SGK3: variants seen among roughly 807,000 people sequenced by gnomAD.
SGK3 encodes serum/glucocorticoid regulated kinase family member 3.
Under a neutral mutation model 68.5 loss-of-function variants are expected in SGK3, and 47 were observed. That is an observed-to-expected ratio of 0.69 (90% confidence interval 0.54 to 0.87). The LOEUF is 0.87. Ranked by LOEUF, SGK3 falls within the 40% of genes least tolerant of loss-of-function variation. SGK3 has a pLI of 0.00. For synonymous variants in SGK3, 181 were observed against 189.1 expected (o/e 0.96, Z 0.35); for missense variants, 479 against 575.5 (o/e 0.83, Z 1.72).
intron 6 of SGK3, among the ~76,000 whole-genome samples, chr8:66,826,100 G>A (rs1809043213): frequency 6.6e-6 from 1 of 152,004 alleles, no homozygotes; most frequent in Non-Finnish European, 1.5e-5. Flanking sequence ...AGCCTCCCAA[G>A]TAGCTGGGAC....
intron 1 of SGK3, among the ~76,000 whole-genome samples, chr8:66,757,219 C>T (rs1372496771): frequency 6.6e-6 from 1 of 150,420 alleles, no homozygotes; most frequent in African/African-American, 2.5e-5. Context: ...GCAGCTTCAA[C>T]CTCCTTGGCT....
chr8:66,808,906 G>T (rs1288431286), intron 4 of SGK3, among the ~76,000 whole-genome samples: 1 of 147,226 alleles, frequency 6.8e-6, no homozygotes, highest in Non-Finnish European at 1.5e-5. Flanking sequence ...GCTCTCCCTT[G>T]TTGCTCAGGC....
chr8:66,826,740 G>C (rs1585775794), intron 6 of SGK3, among the ~76,000 whole-genome samples: 1 of 152,180 alleles, frequency 6.6e-6, no homozygotes, highest in East Asian at 1.9e-4. Context: ...TGCCTCATGA[G>C]TTCAAGGGAT....
rs1438707166 is a variant in SGK3, at chr8:66,813,900, C to G, written c.301C>G (p.Leu101Val). The G allele has an allele frequency of 6.3e-7, 1 of 1,594,988 alleles. No individual in the cohort carries two copies. Among genetic ancestry groups the G allele is most frequent in the East Asian group, 2.3e-5 (1 of 43,664 alleles). Reference sequence around the variant, plus strand: ...AGGACTAAACGAATTCATTCAGAACCTAGTTAGGTATCCAGAACTTTATAA... The same window carrying G: ...AGGACTAAACGAATTCATTCAGAACGTAGTTAGGTATCCAGAACTTTATAA... ...RAGLNEFIQNLVRYPELYNHP... is the reference protein window; with the variant it reads ...RAGLNEFIQNVVRYPELYNHP... The change falls in exon 5 of 17, where the codon CTA becomes GTA. Residue 101 changes from leucine (L) to valine (V), a missense_variant. Leu to Val is a conservative substitution (Grantham distance 32). Around this residue, in one of 3 missense-constraint regions of SGK3, gnomAD observed 298 missense variants for 329.4 expected, o/e 0.90. Transcript: ENST00000521198.
At chr8:66,716,964 G>C (rs1354134872) in intron 1 of SGK3, among the ~76,000 whole-genome samples, 1 of 152,022 alleles carries the variant, frequency 6.6e-6, no homozygotes, top group South Asian at 2.1e-4. Flanking sequence ...GGGAGGCCAA[G>C]GTGGGCAGAT....
At chr8:66,762,565 A>C (rs114905102) in intron 1 of SGK3, among the ~76,000 whole-genome samples, 237 of 152,192 alleles carry the variant, frequency 1.6e-3, no homozygotes, top group African/African-American at 5.5e-3. Flanking sequence ...CTTAAAAAAA[A>C]CCCACTGATT....
chr8:66,839,498 GATAT>G (rs58832541), intron 10 of SGK3, among the ~76,000 whole-genome samples: 131 of 41,460 alleles, frequency 3.2e-3, no homozygotes, highest in Non-Finnish European at 3.9e-3. Context: ...TATGTATGGA[GATAT>G]ATATATATAT....
intron 3 of SGK3, among the ~76,000 whole-genome samples, chr8:66,803,654 G>T (rs946116525): frequency 1.3e-5 from 2 of 149,834 alleles, no homozygotes; most frequent in Non-Finnish European, 1.5e-5. Flanking sequence ...AAATGTATTA[G>T]AATATATATA....
intron 1 of SGK3, among the ~76,000 whole-genome samples, chr8:66,780,571 A>G (rs1257239393): frequency 6.6e-6 from 1 of 152,206 alleles, no homozygotes; most frequent in Non-Finnish European, 1.5e-5. Context: ...TGTCCCAGAC[A>G]GAGGGGCCAC....
intron 5 of SGK3, among the ~76,000 whole-genome samples, chr8:66,817,734 C>G (rs1808652004): frequency 6.6e-6 from 1 of 152,158 alleles, no homozygotes; most frequent in Non-Finnish European, 1.5e-5. Flanking sequence ...TAGTATTTCT[C>G]TCATCTCTGG....
rs187043757 is a variant in SGK3 at position 66,804,055 on chromosome 8, T to C, written c.181-320T>C. Among the ~76,000 whole-genome samples the C allele has an allele frequency of 5.3e-4, 81 of 152,322 alleles. 1 individual carries two copies. The highest frequency in any genetic ancestry group is 1.6e-3 in the African/African-American group (65 of 41,580). On this transcript the variant is annotated intron_variant, in intron 3 of 16. Coordinates refer to ENST00000521198, the MANE Select transcript of SGK3 (RefSeq NM_001033578.3). The stretch of plus-strand genomic sequence containing the variant: ...TTCTAGCCTTAGCACTTGCCATACA[T>C]GATCTCCTTTAAAACTCACAGCAAA...
At chr8:66,839,382 A>T (rs575689370) in intron 10 of SGK3, among the ~76,000 whole-genome samples, 78 of 142,066 alleles carry the variant, frequency 5.5e-4, no homozygotes, top group East Asian at 4.3e-3. Context: ...TTATCTTTTT[A>T]AAAAAAAAAA....
chr8:66,827,106 G>A (rs891551241), intron 6 of SGK3, among the ~76,000 whole-genome samples: 9 of 151,840 alleles, frequency 5.9e-5, no homozygotes, highest in African/African-American at 1.9e-4. Flanking sequence ...TCTTGGCCTG[G>A]TGCGGTGGCT....
At chr8:66,811,940 C>G (rs1563640612) in intron 4 of SGK3, among the ~76,000 whole-genome samples, 1 of 152,138 alleles carries the variant, frequency 6.6e-6, no homozygotes, top group Non-Finnish European at 1.5e-5. Context: ...TAATGAGATA[C>G]CTACCTGAAA....
chr8:66,717,721 T>A (rs1804678060), intron 1 of SGK3, among the ~76,000 whole-genome samples: 1 of 152,146 alleles, frequency 6.6e-6, no homozygotes, highest in Admixed American at 6.6e-5. Flanking sequence ...TATTATTATT[T>A]GAGACAGAAT....
At chr8:66,788,959 T>C (rs531099822) in intron 1 of SGK3, among the ~76,000 whole-genome samples, 39 of 152,296 alleles carry the variant, frequency 2.6e-4, no homozygotes, top group Non-Finnish European at 8.8e-5. Flanking sequence ...GACTATATTA[T>C]GGCAATTCAG....
At chr8:66,749,489 G>A (rs1805749986) in intron 1 of SGK3, among the ~76,000 whole-genome samples, 1 of 152,114 alleles carries the variant, frequency 6.6e-6, no homozygotes, top group Admixed American at 6.6e-5. Flanking sequence ...TTTTTCGCTA[G>A]TACGAACATT....
intron 14 of SGK3, among the ~76,000 whole-genome samples, chr8:66,845,020 A>G (rs1809950290): frequency 6.6e-6 from 1 of 152,266 alleles, no homozygotes; most frequent in African/African-American, 2.4e-5. Flanking sequence ...TTGAAAATAT[A>G]TCATTGCACA....
Position 66,840,069 on chromosome 8 carries a change from A to G in SGK3, c.808A>G (p.Ile270Val), listed in dbSNP as rs1809739651. Reference sequence around the variant, plus strand: ...CAGAGCTAGGTTTTACGCTGCTGAAATTGCTAGTGCATTGGGTTACTTACA... The same window carrying G: ...CAGAGCTAGGTTTTACGCTGCTGAAGTTGCTAGTGCATTGGGTTACTTACA... Reference protein sequence around the residue: ...EHRARFYAAEIASALGYLHSI... With the variant: ...EHRARFYAAEVASALGYLHSI... Residue 270 changes from isoleucine (I) to valine (V), a missense_variant, in exon 11 of 17, where the codon ATT becomes GTT. Coordinates refer to ENST00000521198, the MANE Select transcript of SGK3 (RefSeq NM_001033578.3). 1.2e-6 allele frequency: 2 copies of G among 1,614,068 alleles called. No homozygotes were observed. The highest frequency in any genetic ancestry group is 1.7e-6 in the Non-Finnish European group (2 of 1,179,990).
Sources: gnomAD v4.1 joint callset for allele counts (sites outside exome capture counted in the v4.1 genomes callset) on GRCh38, gnomAD v4.1.1 for gene constraint, gnomAD v4.1.1 regional missense constraint, MANE v1.5 for transcripts, NCBI Gene and HGNC (gene_info 2026-07-23, HGNC 2026-07-21) for gene names.